The following RBFOX3 variants were observed in gnomAD, a reference collection of about 807,000 sequenced individuals.
The protein encoded by RBFOX3 is RNA binding protein fox-1 homolog 3.
A neutral mutation model predicts 48.7 loss-of-function variants in RBFOX3; 17 were observed. That is an observed-to-expected ratio of 0.35 (90% CI 0.24 to 0.52). RBFOX3 has a LOEUF of 0.52. RBFOX3 is among the 20% of genes least tolerant of loss of function. RBFOX3 has a pLI of 0.94. For synonymous variants in RBFOX3, 212 were observed against 209.5 expected (o/e 1.01, Z -0.10); for missense variants, 382 against 497.5 (o/e 0.77, Z 2.21).
In RBFOX3 at chr17:79,311,919, TGAG is replaced by T. The variant is rs772115256; in HGVS notation, c.-174-4098_-174-4096del. On this transcript the variant is annotated intron_variant, in intron 2 of 14. Transcript: ENST00000693108. This position sits in a 1 kb window ranked among gnomAD's most constrained non-coding sequence, Gnocchi z 4.2. ...AATGTAAGGTCAGGCGCGGCTGTGA[TGAG>T]GACAACCCAGGTGCCAGCTTCAGCT... 1.1e-4 allele frequency among the ~76,000 whole-genome samples: 16 copies of T among 152,132 alleles called. No homozygotes were observed. Among genetic ancestry groups the T allele is most frequent in the Non-Finnish European group, 1.8e-4 (12 of 68,018 alleles).
the RBFOX3 span, among the ~76,000 whole-genome samples, chr17:79,619,797 T>C: frequency 2.0e-5 from 3 of 152,114 alleles, no homozygotes; most frequent in South Asian, 6.2e-4. Context: ...CCATTCACCA[T>C]CTCCCCTCCT....
intron 1 of RBFOX3, among the ~76,000 whole-genome samples, chr17:79,485,772 C>A (rs2079496666): frequency 6.6e-6 from 1 of 152,342 alleles, no homozygotes; most frequent in South Asian, 2.1e-4. Context: ...GGCAGCCACC[C>A]CTGCCTGCGC....
At chr17:79,620,030 C>T in the RBFOX3 span, among the ~76,000 whole-genome samples, 115 of 151,414 alleles carry the variant, frequency 7.6e-4, no homozygotes, top group Non-Finnish European at 1.3e-3. Flanking sequence ...CACGTGCACA[C>T]ATGCATATGC....
At chr17:79,127,742 C>T (rs187915563) in intron 4 of RBFOX3, among the ~76,000 whole-genome samples, 44 of 152,308 alleles carry the variant, frequency 2.9e-4, no homozygotes, top group Admixed American at 2.5e-3. Context: ...CTGCACTGGG[C>T]TGGAACAGCA....
intron 2 of RBFOX3, among the ~76,000 whole-genome samples, chr17:79,451,526 G>A (rs112924082): frequency 6.6e-6 from 1 of 152,230 alleles, no homozygotes; most frequent in South Asian, 2.1e-4. Flanking sequence ...CCTGAATCAG[G>A]GGGTGAGGCC....
At chr17:79,286,743 G>A (rs1014602935) in intron 3 of RBFOX3, among the ~76,000 whole-genome samples, 6 of 152,188 alleles carry the variant, frequency 3.9e-5, no homozygotes, top group African/African-American at 1.4e-4. Context: ...AAAGAGGATG[G>A]AGCCAGGCTG....
intron 4 of RBFOX3, among the ~76,000 whole-genome samples, chr17:79,147,940 G>A (rs1397730187): frequency 6.6e-6 from 1 of 152,234 alleles, no homozygotes; most frequent in African/African-American, 2.4e-5. Flanking sequence ...CATTTCTCAA[G>A]GAATCACTGA....
chr17:79,236,327 C>T (rs147465287), intron 3 of RBFOX3, among the ~76,000 whole-genome samples: 42 of 152,168 alleles, frequency 2.8e-4, no homozygotes, highest in African/African-American at 8.7e-4. Flanking sequence ...GATGGAGTCT[C>T]GCTCTGTCTG....
chr17:79,602,494 A>G (rs910728522), intron 1 of RBFOX3, among the ~76,000 whole-genome samples: 7,821 of 152,212 alleles, frequency 0.051, 315 homozygotes, highest in East Asian at 0.26. Flanking sequence ...CGCAGCCAGG[A>G]TGGCCGGTGA....
intron 4 of RBFOX3, among the ~76,000 whole-genome samples, chr17:79,168,378 C>G (rs1031609561): frequency 3.9e-5 from 6 of 152,380 alleles, no homozygotes; most frequent in African/African-American, 1.4e-4. Flanking sequence ...TGTGAATTGA[C>G]CAAATGGAAA....
In RBFOX3 at chr17:79,371,434, G is replaced by T. The variant is rs140001067; in HGVS notation, c.-174-63610C>A. On this transcript the variant is annotated intron_variant, in intron 2 of 14. Coordinates refer to ENST00000693108, the MANE Select transcript of RBFOX3 (RefSeq NM_001350451.2). ...CCTCCCCTTTCCTGCTCCCTGTGGG[G>T]GCAAGAGCTCCCTGGCTGCAGAGTG... 1.8e-3 allele frequency among the ~76,000 whole-genome samples: 273 copies of T among 152,296 alleles called. 2 individuals carry two copies. The highest frequency in any genetic ancestry group is 6.2e-3 in the African/African-American group (259 of 41,560).
chr17:79,591,044 G>A (rs899312817), intron 1 of RBFOX3, among the ~76,000 whole-genome samples: 6 of 152,202 alleles, frequency 3.9e-5, no homozygotes, highest in Non-Finnish European at 8.8e-5. Flanking sequence ...CGTGTCTGCC[G>A]GGGACCCTGG....
intron 1 of RBFOX3, among the ~76,000 whole-genome samples, chr17:79,508,151 G>C (rs1370803078): frequency 6.6e-6 from 1 of 152,250 alleles, no homozygotes; most frequent in East Asian, 1.9e-4. Flanking sequence ...GGAAATCCCT[G>C]CATGAAAATG....
chr17:79,481,428 C>T lies in RBFOX3; in HGVS notation c.-175+1026G>A, dbSNP rs2078764942. Among the ~76,000 whole-genome samples, 1 of 152,138 alleles carries T rather than the reference C, an allele frequency of 6.6e-6. No homozygotes were observed. Among genetic ancestry groups the T allele is most frequent in the Non-Finnish European group, 1.5e-5 (1 of 68,030 alleles). Reference sequence around the variant, plus strand: ...TCCTGGGAGGTGATCTCTAAAACTGCTGGGGTTTCCAAGGGATAGGAGTGT... The same window carrying T: ...TCCTGGGAGGTGATCTCTAAAACTGTTGGGGTTTCCAAGGGATAGGAGTGT... On this transcript the variant is annotated intron_variant, in intron 2 of 14. Transcript: ENST00000693108. The surrounding 1 kb of genome is among the most constrained non-coding windows in gnomAD (Gnocchi z 5.4).
intron 4 of RBFOX3, chr17:79,136,391 C>G (rs984598366): frequency 6.6e-6 from 1 of 152,324 alleles, no homozygotes; most frequent in Non-Finnish European, 1.5e-5. Context: ...AGGATAAGCA[C>G]GCTCGTGCAG....
At chr17:79,288,212 C>T (rs1261302846) in intron 3 of RBFOX3, among the ~76,000 whole-genome samples, 6 of 152,194 alleles carry the variant, frequency 3.9e-5, no homozygotes, top group African/African-American at 1.4e-4. Context: ...GCTGCCCGTC[C>T]CCTCTCGGGG....
intron 3 of RBFOX3, among the ~76,000 whole-genome samples, chr17:79,276,296 C>T (rs1328380824): frequency 1.3e-5 from 2 of 152,102 alleles, no homozygotes; most frequent in African/African-American, 4.8e-5. Flanking sequence ...TGATGGTTGC[C>T]CAACTCTGAA....
chr17:79,132,346 C>G (rs549538729), intron 4 of RBFOX3, among the ~76,000 whole-genome samples: 3 of 152,292 alleles, frequency 2.0e-5, no homozygotes, highest in African/African-American at 7.2e-5. Context: ...CTGAGCGACG[C>G]GGGCCAATCA....
chr17:79,320,654 G>A (rs961847968), intron 2 of RBFOX3, among the ~76,000 whole-genome samples: 1 of 152,002 alleles, frequency 6.6e-6, no homozygotes, highest in African/African-American at 2.4e-5. Context: ...CCCACATTCT[G>A]TTTGGAGAGT....
Sources: allele counts gnomAD v4.1 joint callset (sites outside exome capture counted in the v4.1 genomes callset), GRCh38; gene constraint gnomAD v4.1.1; non-coding constraint Gnocchi (gnomAD v3.1); transcripts MANE v1.5; gene names NCBI Gene and HGNC (gene_info 2026-07-23, HGNC 2026-07-21).